ANKMY1: variants seen among roughly 807,000 people sequenced by gnomAD.
ANKMY1 encodes the protein ankyrin repeat and MYND domain-containing protein 1.
ANKMY1 carries 98 observed loss-of-function variants against 102.0 expected under a neutral mutation model. The ratio of observed to expected loss-of-function variants is 0.96; its 90% CI spans 0.82 to 1.14. The LOEUF (loss-of-function observed/expected upper bound fraction) is 1.14. Ranked by LOEUF, ANKMY1 falls within the 50% of genes most tolerant of loss-of-function variation. ANKMY1 has a pLI of 0.00. For synonymous variants in ANKMY1, 582 were observed against 559.9 expected (o/e 1.04, Z -0.56); for missense variants, 1,330 against 1,347.6 (o/e 0.99, Z 0.20).
chr2:240,547,954 T>A (rs1165987699), intron 4 of ANKMY1, among the ~76,000 whole-genome samples: 1 of 152,234 alleles, frequency 6.6e-6, no homozygotes, highest in Non-Finnish European at 1.5e-5. Flanking sequence ...ACTGGTACCA[T>A]TCCTTCTGAA....
At chr2:240,551,185 CTTTT>C (rs1003427843) in intron 4 of ANKMY1, among the ~76,000 whole-genome samples, 8 of 147,522 alleles carry the variant, frequency 5.4e-5, no homozygotes, top group African/African-American at 2.0e-4. Flanking sequence ...GCTGATTCTT[CTTTT>C]GTCTTTCAGA....
At chr2:240,494,321 C>T (rs1415460899) in intron 15 of ANKMY1, among the ~76,000 whole-genome samples, 1 of 152,178 alleles carries the variant, frequency 6.6e-6, no homozygotes, top group Non-Finnish European at 1.5e-5. Flanking sequence ...CTCCTTCATG[C>T]TCCAGCATCA....
At chr2:240,545,049 G>C (rs1294126037) in intron 4 of ANKMY1, among the ~76,000 whole-genome samples, 1 of 152,238 alleles carries the variant, frequency 6.6e-6, no homozygotes, top group Non-Finnish European at 1.5e-5. Context: ...CTCCACCTCT[G>C]GGGGCAGGGC....
At chr2:240,476,724 A>G (rs972291122), downstream of ANKMY1, among the ~76,000 whole-genome samples, 4 of 152,236 alleles carry the variant, frequency 2.6e-5, no homozygotes, top group African/African-American at 9.6e-5. Flanking sequence ...CTCAAACCTT[A>G]CACAAAAATT....
In ANKMY1 at chr2:240,506,665, TCCC is replaced by T. The variant is rs5839797; in HGVS notation, c.2526+892_2526+894del. ...GCCTGAGTCTCACCCCCCTCCTCCT[TCCC>T]CCTTTTTCTCCCTCAGACAGGTAAG... On this transcript the variant is annotated intron_variant, in intron 13 of 17. Coordinates refer to ENST00000401804, the MANE Select transcript of ANKMY1 (RefSeq NM_001282771.3). This position sits in a 1 kb window ranked among gnomAD's most constrained non-coding sequence, Gnocchi z 4.9. Among the ~76,000 whole-genome samples, 19,444 of 142,140 alleles carry T rather than the reference TCCC, an allele frequency of 0.14. 1,359 individuals are homozygous for T. Among genetic ancestry groups the T allele is most frequent in the African/African-American group, 0.2 (7,652 of 38,978 alleles). The allele number at this position is 142,140 out of a possible 152,430, so 93.2% of individuals were successfully genotyped here. A position where few individuals can be genotyped will look rare whatever the true frequency, so the allele number is the denominator to read the frequency against.
At chr2:240,519,936 C>A in intron 9 of ANKMY1, 2 of 278,718 alleles carry the variant, frequency 7.2e-6, no homozygotes, top group Non-Finnish European at 1.6e-5. Context: ...AAATATTTTG[C>A]GGCTGGATCT....
At chr2:240,519,869 ACTT>A (rs2081851398) in intron 9 of ANKMY1, 1 of 249,920 alleles carries the variant, frequency 4.0e-6, no homozygotes, top group South Asian at 3.8e-5. Flanking sequence ...TGGGAAAGGC[ACTT>A]CTTAAGAAAA....
intron 4 of ANKMY1, among the ~76,000 whole-genome samples, chr2:240,536,829 T>G (rs1340865370): frequency 1.3e-5 from 2 of 152,206 alleles, no homozygotes; most frequent in Admixed American, 6.5e-5. Flanking sequence ...CTTTCTTAAA[T>G]GTATAATTTA....
At chr2:240,488,303 G>A (rs924676578) in intron 15 of ANKMY1, among the ~76,000 whole-genome samples, 8 of 152,068 alleles carry the variant, frequency 5.3e-5, no homozygotes, top group African/African-American at 1.9e-4. Flanking sequence ...TTATTTCTGG[G>A]TTCTTTATTC....
In ANKMY1 at chr2:240,499,907, AG is replaced by A. The variant is rs1179967074; in HGVS notation, c.2806+50del. 2 of 1,552,210 alleles carry A rather than the reference AG, an allele frequency of 1.3e-6. No individual in the cohort carries two copies. On this transcript the variant is annotated intron_variant, in intron 15 of 17. Coordinates refer to ENST00000401804, the MANE Select transcript of ANKMY1 (RefSeq NM_001282771.3). The surrounding 1 kb of genome is among the most constrained non-coding windows in gnomAD (Gnocchi z 4.2). The stretch of plus-strand genomic sequence containing the variant: ...TCCAGGGATAACAGCCCCAGGCACG[AG>A]GCCGGAACGCCGCCCTGTGGAGCAG...
rs1476970389 is a variant in ANKMY1 at position 240,554,668 on chromosome 2, C to A, written c.336+198G>T. ...CAGCTTCCCAAACCTCATCCTGGGACCCCAGCAAACCATGGGTGTGATTTT... is the reference window on the plus strand; with the variant it reads ...CAGCTTCCCAAACCTCATCCTGGGAACCCAGCAAACCATGGGTGTGATTTT... On this transcript the variant is annotated intron_variant, in intron 3 of 17. Coordinates refer to ENST00000401804, the MANE Select transcript of ANKMY1 (RefSeq NM_001282771.3). The A allele has an allele frequency of 6.6e-6, 4 of 602,140 alleles. No homozygotes were observed. In the East Asian group the frequency reaches 1.1e-4, roughly 17 times the overall value. The allele number at this position is 602,140 out of a possible 1,614,324, so 37.3% of individuals were successfully genotyped here. A position where few individuals can be genotyped will look rare whatever the true frequency, so the allele number is the denominator to read the frequency against.
At chr2:240,512,397 CT>C (rs2080388204) in intron 10 of ANKMY1, among the ~76,000 whole-genome samples, 1 of 152,234 alleles carries the variant, frequency 6.6e-6, no homozygotes, top group Admixed American at 6.5e-5. Context: ...GACTGGGGGT[CT>C]TTTGGAGCTT....
At chr2:240,497,280 C>T (rs1470456789) in intron 15 of ANKMY1, among the ~76,000 whole-genome samples, 4 of 152,230 alleles carry the variant, frequency 2.6e-5, no homozygotes, top group Non-Finnish European at 5.9e-5. Flanking sequence ...GGTGCCGCCA[C>T]CTCCTGGCCA....
At chr2:240,475,737 C>T (rs951961613), downstream of ANKMY1, among the ~76,000 whole-genome samples, 10 of 151,500 alleles carry the variant, frequency 6.6e-5, no homozygotes, top group African/African-American at 1.2e-4. Flanking sequence ...TTCATTATTA[C>T]GTCTAACAGG....
chr2:240,554,655 C>T, intron 3 of ANKMY1: 1 of 573,668 alleles, frequency 1.7e-6, no homozygotes, highest in Non-Finnish European at 3.1e-6. Context: ...GCTTCCCAAA[C>T]CTCATCCTGG....
At chr2:240,526,907 C>T (rs1374363894) in intron 5 of ANKMY1, 1 of 1,129,654 alleles carries the variant, frequency 8.9e-7, no homozygotes, top group African/African-American at 1.6e-5. Context: ...TCACACAACA[C>T]TGATGCCTCC....
At chr2:240,555,174 G>C in intron 2 of ANKMY1, 119 bp from the exon 3 acceptor site, 1 of 1,083,184 alleles carries the variant, frequency 9.2e-7, no homozygotes, top group East Asian at 2.5e-5. Context: ...TCCCGGGGCA[G>C]GTGCCGCTGC....
At chr2:240,487,084 C>G (rs1055469954) in intron 15 of ANKMY1, among the ~76,000 whole-genome samples, 3 of 152,122 alleles carry the variant, frequency 2.0e-5, no homozygotes, top group South Asian at 4.1e-4. Context: ...TTCTATCTTA[C>G]TGCATCTTTG....
chr2:240,531,355 C>T (rs193181552), intron 4 of ANKMY1, among the ~76,000 whole-genome samples: 105 of 152,378 alleles, frequency 6.9e-4, no homozygotes, highest in African/African-American at 2.5e-3. Context: ...GTACCATACA[C>T]TTACTGTTTT....
Sources: allele counts gnomAD v4.1 joint callset (sites outside exome capture counted in the v4.1 genomes callset), GRCh38; gene constraint gnomAD v4.1.1; non-coding constraint Gnocchi (gnomAD v3.1); transcripts MANE v1.5; gene names NCBI Gene and HGNC (gene_info 2026-07-23, HGNC 2026-07-21).